LRRTM4: variants seen among roughly 807,000 people sequenced by gnomAD.
LRRTM4 encodes leucine rich repeat transmembrane neuronal 4.
A neutral mutation model predicts 47.6 loss-of-function variants in LRRTM4; 25 were observed. The observed-to-expected ratio is 0.53, with a 90% CI of 0.38 to 0.73. The LOEUF (loss-of-function observed/expected upper bound fraction) is 0.73, where lower values mean the gene tolerates loss of function less well. Ranked by LOEUF, LRRTM4 falls within the 30% of genes least tolerant of loss-of-function variation. The pLI is 0.00. For missense variants in LRRTM4, 638 were observed against 713.4 expected, an observed-to-expected ratio of 0.89 and a Z score of 1.20; for synonymous variants, 311 against 269.5, an observed-to-expected ratio of 1.15 and a Z score of -1.51.
intron 3 of LRRTM4, among the ~76,000 whole-genome samples, chr2:77,223,313 C>T (rs1005057588): frequency 8.5e-5 from 13 of 152,242 alleles, no homozygotes; most frequent in Middle Eastern, 3.4e-3. Flanking sequence ...CAGGGATGGC[C>T]TCTCTCACCA....
chr2:77,074,533 T>C (rs1044246944), intron 3 of LRRTM4, among the ~76,000 whole-genome samples: 2 of 152,144 alleles, frequency 1.3e-5, no homozygotes, highest in African/African-American at 4.8e-5. Flanking sequence ...ACTCTATTTC[T>C]GGTGATGGAA....
intron 3 of LRRTM4, among the ~76,000 whole-genome samples, chr2:76,796,047 G>C (rs1443287150): frequency 8.5e-6 from 1 of 117,574 alleles, no homozygotes; most frequent in Non-Finnish European, 1.6e-5. Flanking sequence ...TCAAAGAAAG[G>C]GGTGATGTAC....
rs897229928 is a variant in LRRTM4, at chr2:76,954,607, G to T, written c.1552-205691C>A. Among the ~76,000 whole-genome samples, 8 of 151,630 alleles carry T rather than the reference G, an allele frequency of 5.3e-5. No individual in the cohort carries two copies. The South Asian group carries it at 1.7e-3, about 31-fold the overall frequency. The stretch of plus-strand genomic sequence containing the variant: ...TCCAGACGAAGAAGAAGAGAGAAAG[G>T]GCCAGAAAGCTTACTTGGACAAGTA... On this transcript the variant is annotated intron_variant, in intron 3 of 3. Coordinates refer to ENST00000409884, the MANE Select transcript of LRRTM4 (RefSeq NM_001134745.3).
chr2:77,247,495 C>A (rs563490517), intron 3 of LRRTM4, among the ~76,000 whole-genome samples: 4 of 152,046 alleles, frequency 2.6e-5, no homozygotes, highest in Admixed American at 1.3e-4. Context: ...AAATAATAGG[C>A]CTATTTGTTC....
chr2:77,299,258 T>TGC (rs1677058236), intron 3 of LRRTM4, among the ~76,000 whole-genome samples: 1 of 67,270 alleles, frequency 1.5e-5, no homozygotes, highest in African/African-American at 5.1e-5. Flanking sequence ...TATATATATA[T>TGC]ACACACACAC....
intron 3 of LRRTM4, among the ~76,000 whole-genome samples, chr2:77,441,406 T>G (rs1675837319): frequency 6.6e-6 from 1 of 152,202 alleles, no homozygotes; most frequent in Non-Finnish European, 1.5e-5. Flanking sequence ...CCAAGCACTT[T>G]AAGTATATTT....
intron 3 of LRRTM4, among the ~76,000 whole-genome samples, chr2:76,908,555 C>T (rs1673934585): frequency 6.6e-6 from 1 of 152,020 alleles, no homozygotes; most frequent in Admixed American, 6.6e-5. Context: ...GTCAAAGTGT[C>T]CCTGTTTGCA....
At position 77,480,810 on chromosome 2, in the gene LRRTM4, GTGTGTGTGTGTGGAGAGAGAGAGAGA is replaced by G. The variant is rs1359012494; in HGVS notation, c.1551+37482_1551+37507del. On this transcript the variant is annotated intron_variant, in intron 3 of 3. Coordinates refer to ENST00000409884, the MANE Select transcript of LRRTM4 (RefSeq NM_001134745.3). ...AGTGTGTGTGTGTGTGTGTGTGTGT[GTGTGTGTGTGTGGAGAGAGAGAGAGA>G]GAGAGAGAGAGAGAGAGAGAGAGAG... Among the ~76,000 whole-genome samples the G allele has an allele frequency of 5.5e-4, 73 of 133,512 alleles. 1 individual carries two copies. Among genetic ancestry groups the G allele is most frequent in the African/African-American group, 1.9e-3 (66 of 34,936 alleles). 87.6% of individuals were successfully genotyped at this position (133,512 alleles called of 152,430 possible).
chr2:76,980,130 T>C (rs1046313140), intron 3 of LRRTM4, among the ~76,000 whole-genome samples: 2 of 152,176 alleles, frequency 1.3e-5, no homozygotes, highest in African/African-American at 4.8e-5. Context: ...CAAGTATCCA[T>C]GTTCTTCTGT....
At chr2:77,132,930 G>C (rs776457615) in intron 3 of LRRTM4, among the ~76,000 whole-genome samples, 1 of 152,132 alleles carries the variant, frequency 6.6e-6, no homozygotes, top group African/African-American at 2.4e-5. Flanking sequence ...GAAGAAGATA[G>C]ATAAAATGCA....
At chr2:77,120,500 T>C (rs1290593621) in intron 3 of LRRTM4, among the ~76,000 whole-genome samples, 1 of 151,818 alleles carries the variant, frequency 6.6e-6, no homozygotes, top group East Asian at 1.9e-4. Flanking sequence ...TTCAATAATA[T>C]AAAGGGAAAT....
intron 3 of LRRTM4, among the ~76,000 whole-genome samples, chr2:77,147,359 A>G (rs998976594): frequency 6.6e-6 from 1 of 152,152 alleles, no homozygotes; most frequent in Non-Finnish European, 1.5e-5. Flanking sequence ...ATGTTCCAGG[A>G]GCACATTTAA....
At chr2:76,903,716 T>C (rs902703467) in intron 3 of LRRTM4, among the ~76,000 whole-genome samples, 5 of 152,120 alleles carry the variant, frequency 3.3e-5, no homozygotes, top group Admixed American at 3.3e-4. Context: ...AGGAGAAACA[T>C]CTATAAAGCA....
At chr2:76,998,225 G>A (rs781323540) in intron 3 of LRRTM4, among the ~76,000 whole-genome samples, 5 of 152,030 alleles carry the variant, frequency 3.3e-5, no homozygotes, top group Non-Finnish European at 5.9e-5. Flanking sequence ...GATCTATGGA[G>A]TATCTGTTAT....
chr2:77,216,921 A>T (rs1674459742), intron 3 of LRRTM4, among the ~76,000 whole-genome samples: 1 of 152,018 alleles, frequency 6.6e-6, no homozygotes, highest in Non-Finnish European at 1.5e-5. Flanking sequence ...AAAATACAAA[A>T]AATTAGCCGG....
chr2:77,409,964 C>G (rs1409612168), intron 3 of LRRTM4, among the ~76,000 whole-genome samples: 2 of 152,132 alleles, frequency 1.3e-5, no homozygotes, highest in African/African-American at 4.8e-5. Context: ...TGAATAGAGA[C>G]AGCCCAGATT....
At position 77,351,558 on chromosome 2, in the gene LRRTM4, T is replaced by C. The variant is rs372333897; in HGVS notation, c.1551+166760A>G. Among the ~76,000 whole-genome samples the C allele has an allele frequency of 2.6e-4, 39 of 150,198 alleles. No individual in the cohort carries two copies. The South Asian group carries it at 8.1e-3, about 31-fold the overall frequency. ...ATTTGGAAACATTTCCATGAGATAT[T>C]TTTAAAGAATTTTAAAGAGCAAAAA... On this transcript the variant is annotated intron_variant, in intron 3 of 3. Coordinates refer to ENST00000409884, the MANE Select transcript of LRRTM4 (RefSeq NM_001134745.3).
rs1245036657 is a variant in LRRTM4, at chr2:76,962,304, C to G, written c.1552-213388G>C. 4.0e-5 allele frequency among the ~76,000 whole-genome samples: 6 copies of G among 151,218 alleles called. No individual in the cohort carries two copies. In the South Asian group the frequency reaches 1.2e-3, roughly 31 times the overall value. Reference sequence around the variant, plus strand: ...ACAAAAATTTCAATACAAAGTAATACGTATTGGTGGATAAATGTGTAGCAG... The same window carrying G: ...ACAAAAATTTCAATACAAAGTAATAGGTATTGGTGGATAAATGTGTAGCAG... On this transcript the variant is annotated intron_variant, in intron 3 of 3. Transcript: ENST00000409884.
intron 3 of LRRTM4, among the ~76,000 whole-genome samples, chr2:77,213,681 T>G (rs915076619): frequency 3.3e-5 from 5 of 152,132 alleles, no homozygotes; most frequent in African/African-American, 9.7e-5. Flanking sequence ...GTCTATAACA[T>G]CCAACTTTAG....
Sources: allele counts gnomAD v4.1 joint callset (sites outside exome capture counted in the v4.1 genomes callset), GRCh38; gene constraint gnomAD v4.1.1; transcripts MANE v1.5; gene names NCBI Gene and HGNC (gene_info 2026-07-23, HGNC 2026-07-21).